Variants in DPP6 observed in about 807,000 individuals in gnomAD.
The protein encoded by DPP6 is A-type potassium channel modulatory protein DPP6.
In DPP6, 69 loss-of-function variants were observed where a neutral mutation model predicts 122.6. The observed-to-expected ratio is 0.56, with a 90% CI of 0.46 to 0.69. DPP6 has a LOEUF of 0.69. Ranked by LOEUF, DPP6 falls within the 30% of genes least tolerant of loss-of-function variation. The probability of loss-of-function intolerance (pLI) is 0.00; values close to 1 mark genes in which losing one functional copy is unlikely to be tolerated. For missense variants in DPP6, 928 were observed against 1,116.9 expected (o/e 0.83, Z 2.41); for synonymous variants, 418 against 433.1 (o/e 0.97, Z 0.43).
At chr7:154,587,324 A>T in intron 5 of DPP6, 1 of 362,038 alleles carries the variant, frequency 2.8e-6, no homozygotes, top group South Asian at 3.5e-5. Context: ...CTGCCTGGAG[A>T]CTTAGAACCT....
chr7:153,808,118 A>G, the DPP6 span, among the ~76,000 whole-genome samples: 2 of 152,112 alleles, frequency 1.3e-5, no homozygotes, highest in South Asian at 4.1e-4. Flanking sequence ...TGGTGTTTTG[A>G]TAAACACATT....
chr7:153,938,640 AGACCATTACT>A (rs1801566322), intron 1 of DPP6, among the ~76,000 whole-genome samples: 1 of 152,230 alleles, frequency 6.6e-6, no homozygotes, highest in Non-Finnish European at 1.5e-5. Flanking sequence ...CAACCCCATG[AGACCATTACT>A]GTCCCATTTA....
At chr7:154,264,592 A>G (rs1803251573) in intron 1 of DPP6, among the ~76,000 whole-genome samples, 1 of 152,110 alleles carries the variant, frequency 6.6e-6, no homozygotes, top group Non-Finnish European at 1.5e-5. Context: ...GAGGGCCCGC[A>G]TTGGTATCTG....
In DPP6 at chr7:154,883,216, C is replaced by T. The variant is rs553547880; in HGVS notation, c.2133+2274C>T. Among the ~76,000 whole-genome samples, 4 of 147,764 alleles carry T rather than the reference C, an allele frequency of 2.7e-5. No homozygotes were observed. The East Asian group carries it at 8.2e-4, about 30-fold the overall frequency. On this transcript the variant is annotated intron_variant, in intron 21 of 25. Coordinates refer to ENST00000377770, the MANE Select transcript of DPP6 (RefSeq NM_130797.4). ...ACACGCTCACACATACACACACATG[C>T]TCACCCACACAATGCTCACACATTC...
the DPP6 span, among the ~76,000 whole-genome samples, chr7:153,755,763 A>T: frequency 6.6e-6 from 1 of 151,836 alleles, no homozygotes; most frequent in Non-Finnish European, 1.5e-5. Flanking sequence ...TGTGCTTTCC[A>T]CTTTCCAAGT....
chr7:154,313,490 T>A (rs185357811), intron 1 of DPP6, among the ~76,000 whole-genome samples: 1 of 151,812 alleles, frequency 6.6e-6, no homozygotes, highest in East Asian at 2.0e-4. Flanking sequence ...AACAGGTGTT[T>A]GTGGAATAGG....
At chr7:154,437,792 T>C (rs981651075) in intron 1 of DPP6, among the ~76,000 whole-genome samples, 1 of 151,958 alleles carries the variant, frequency 6.6e-6, no homozygotes, top group African/African-American at 2.4e-5. Flanking sequence ...AAAAATTAGC[T>C]GGACACGGTG....
At chr7:154,305,560 G>A (rs1806261935) in intron 1 of DPP6, 1 of 1,594,658 alleles carries the variant, frequency 6.3e-7, no homozygotes, top group Non-Finnish European at 8.5e-7. Context: ...AGGTAATGCT[G>A]CTTTTGGGGG....
intron 1 of DPP6, among the ~76,000 whole-genome samples, chr7:154,040,807 A>T (rs1799722115): frequency 6.6e-6 from 1 of 151,694 alleles, no homozygotes; most frequent in Non-Finnish European, 1.5e-5. Flanking sequence ...TTCTGAATGC[A>T]CACTTAGCCT....
chr7:154,451,308 C>T (rs1019196493), intron 2 of DPP6, among the ~76,000 whole-genome samples: 6 of 147,058 alleles, frequency 4.1e-5, no homozygotes, highest in Admixed American at 1.4e-4. Context: ...TGCAGTGAGC[C>T]GAGATCGCGC....
intron 5 of DPP6, among the ~76,000 whole-genome samples, chr7:154,627,170 G>A (rs1025595473): frequency 4.9e-5 from 7 of 144,008 alleles, no homozygotes; most frequent in African/African-American, 1.5e-4. Flanking sequence ...CCACCACCAC[G>A]CCTGGCTAAT....
At chr7:153,921,789 G>C (rs984379728) in intron 1 of DPP6, among the ~76,000 whole-genome samples, 2 of 152,244 alleles carry the variant, frequency 1.3e-5, no homozygotes, top group East Asian at 3.8e-4. Context: ...ACTTAGTAGA[G>C]TGTCTTACCT....
intron 1 of DPP6, among the ~76,000 whole-genome samples, chr7:154,355,565 T>C (rs2151087843): frequency 6.6e-6 from 1 of 152,316 alleles, no homozygotes; most frequent in Middle Eastern, 3.4e-3. Flanking sequence ...GGGGTCATGA[T>C]TCATTTATTT....
intron 1 of DPP6, among the ~76,000 whole-genome samples, chr7:153,912,126 A>G (rs954488606): frequency 1.2e-4 from 18 of 152,334 alleles, no homozygotes; most frequent in African/African-American, 4.1e-4. Flanking sequence ...AAATATGTAC[A>G]CTAAGTAGAA....
intron 1 of DPP6, among the ~76,000 whole-genome samples, chr7:153,989,870 A>G (rs2907722): frequency 0.095 from 11,373 of 119,534 alleles, 332 homozygotes; most frequent in African/African-American, 0.15. Context: ...AGATGCAAGG[A>G]GGCCCTGTCT....
intron 3 of DPP6, among the ~76,000 whole-genome samples, chr7:154,508,470 T>C (rs1283625257): frequency 6.6e-6 from 1 of 152,130 alleles, no homozygotes; most frequent in Non-Finnish European, 1.5e-5. Context: ...GGTGAGGCTG[T>C]CACAGGAAGT....
intron 3 of DPP6, among the ~76,000 whole-genome samples, chr7:154,476,871 C>T (rs370930203): frequency 3.9e-4 from 60 of 152,218 alleles, no homozygotes; most frequent in African/African-American, 1.3e-3. Flanking sequence ...GCAGGCAGAT[C>T]GCTTGAATCC....
At chr7:154,219,756 T>G (rs1158774410) in intron 1 of DPP6, among the ~76,000 whole-genome samples, 1 of 152,070 alleles carries the variant, frequency 6.6e-6, no homozygotes, top group Non-Finnish European at 1.5e-5. Context: ...TGGCTAATTT[T>G]TTGTGTTTTT....
intron 4 of DPP6, among the ~76,000 whole-genome samples, chr7:154,560,982 G>T (rs930298346): frequency 6.6e-6 from 1 of 151,348 alleles, no homozygotes; most frequent in Admixed American, 6.6e-5. Flanking sequence ...AGATAAAATA[G>T]ACAACAAGGA....
Sources: allele counts gnomAD v4.1 joint callset (sites outside exome capture counted in the v4.1 genomes callset), GRCh38; gene constraint gnomAD v4.1.1; transcripts MANE v1.5; gene names NCBI Gene and HGNC (gene_info 2026-07-23, HGNC 2026-07-21).